The following OR2M4 variants were observed in gnomAD, a reference collection of about 807,000 sequenced individuals.
OR2M4 encodes the protein olfactory receptor 2M4.
In OR2M4, 8 loss-of-function variants were observed where a neutral mutation model predicts 13.7. The observed-to-expected ratio is 0.58, with a 90% CI of 0.34 to 1.05. The LOEUF (loss-of-function observed/expected upper bound fraction) is 1.05, where lower values mean the gene tolerates loss of function less well. Among genes scored for constraint, OR2M4 ranks in the 50% least tolerant of loss-of-function variants. The probability of loss-of-function intolerance (pLI) is 0.02; values close to 1 mark genes in which losing one functional copy is unlikely to be tolerated. For synonymous variants in OR2M4, 152 were observed against 141.3 expected (o/e 1.08, Z -0.53); for missense variants, 374 against 381.6 (o/e 0.98, Z 0.17).
At chr1:248,232,314 G>T (rs1369017302) in intron 1 of OR2M4, among the ~76,000 whole-genome samples, 1 of 152,058 alleles carries the variant, frequency 6.6e-6, no homozygotes, top group Non-Finnish European at 1.5e-5. Flanking sequence ...CTTCAGGTTG[G>T]TAAAAATCAC....
Position 248,240,215 on chromosome 1 carries a change from T to C in OR2M4, c.*351T>C, listed in dbSNP as rs1666605241. The C allele has an allele frequency of 6.1e-6, 1 of 163,212 alleles. No homozygotes were observed. Among genetic ancestry groups the C allele is most frequent in the African/African-American group, 2.4e-5 (1 of 41,868 alleles). The allele number at this position is 163,212 out of a possible 1,614,324, so 10.1% of individuals were successfully genotyped here. On this transcript the variant is annotated 3_prime_UTR_variant, in exon 2 of 2. Coordinates refer to ENST00000641868, the MANE Select transcript of OR2M4 (RefSeq NM_017504.2). ...AGTTGATCCTCTGTTTTTGGAGAGA[T>C]GCTTCTTTGTTCACAAATTACTTAC...
rs1276277939 is a variant in OR2M4, at chr1:248,240,930, AT to A, written c.*1069del. The A allele has an allele frequency of 6.6e-6, 1 of 152,276 alleles. No homozygotes were observed. The highest frequency in any genetic ancestry group is 1.5e-5 in the Non-Finnish European group (1 of 68,096). The allele number at this position is 152,276 out of a possible 1,614,324, so 9.4% of individuals were successfully genotyped here. A position where few individuals can be genotyped will look rare whatever the true frequency, so the allele number is the denominator to read the frequency against. ...GCTGATGCCTGGCCACAGACAGAGC[AT>A]TTAAACCAGCCCTTGTCAGAGGGGA... On this transcript the variant is annotated 3_prime_UTR_variant, in exon 2 of 2. Transcript: ENST00000641868.
rs1042395369 is a variant in OR2M4 at position 248,242,123 on chromosome 1, A to G, written c.*2259A>G. ...TGGGTACAGTTGCTCAATTTATTCA[A>G]TTTATACTTGTATATGCTGATTCTT... On this transcript the variant is annotated 3_prime_UTR_variant, in exon 2 of 2. Coordinates refer to ENST00000641868, the MANE Select transcript of OR2M4 (RefSeq NM_017504.2). 9 of 152,132 alleles carry G rather than the reference A, an allele frequency of 5.9e-5. No individual in the cohort carries two copies. Among genetic ancestry groups the G allele is most frequent in the African/African-American group, 2.2e-4 (9 of 41,410 alleles). The allele number at this position is 152,132 out of a possible 1,614,324, so 9.4% of individuals were successfully genotyped here.
rs1461733753 is a variant in OR2M4 at position 248,244,605 on chromosome 1, G to A, written c.*4741G>A. 6.6e-6 allele frequency: 1 copy of A among 152,002 alleles called. No individual in the cohort carries two copies. The highest frequency in any genetic ancestry group is 1.5e-5 in the Non-Finnish European group (1 of 68,004). The allele number at this position is 152,002 out of a possible 1,614,324, so 9.4% of individuals were successfully genotyped here. On this transcript the variant is annotated 3_prime_UTR_variant, in exon 2 of 2. Coordinates refer to ENST00000641868, the MANE Select transcript of OR2M4 (RefSeq NM_017504.2). Reference sequence around the variant, plus strand: ...TATGGGATACTATGCTCACAACCTGGGTGATGGGATCTATACCCTAAACCT... The same window carrying A: ...TATGGGATACTATGCTCACAACCTGAGTGATGGGATCTATACCCTAAACCT...
rs372772404 is a variant in OR2M4 at position 248,239,006 on chromosome 1, C to T, written c.78C>T (p.Phe26=). The part of the protein sequence containing the change: ...GIFNHSPTHT[F]LFSLVLGIFS... ...TCAATCACAGTCCCACCCACACCTT[C>T]CTTTTTTCTCTGGTCCTGGGCATCT... is the stretch of plus-strand genomic sequence containing the variant. The change falls in exon 2 of 2, where the codon TTC becomes TTT. Residue 26 remains phenylalanine, a synonymous_variant. Transcript: ENST00000641868. 102 of 1,613,924 alleles carry T rather than the reference C, an allele frequency of 6.3e-5. No individual in the cohort carries two copies. The highest frequency in any genetic ancestry group is 8.5e-5 in the Non-Finnish European group (100 of 1,179,978).
chr1:248,239,229 A>T lies in OR2M4; in HGVS notation c.301A>T (p.Ile101Leu). ...CTCTCTGGCAGGTTGTGGAACTCAGATATTCTTCTATGTGTCCCTGCTTGG... is the reference window on the plus strand; with the variant it reads ...CTCTCTGGCAGGTTGTGGAACTCAGTTATTCTTCTATGTGTCCCTGCTTGG... ...SISLAGCGTQ[I>L]FFYVSLLGAE... is the part of the protein sequence containing the mutation. Residue 101 changes from isoleucine to leucine, a missense_variant, in exon 2 of 2, where the codon ATA (isoleucine) becomes TTA (leucine). Transcript: ENST00000641868. 1 of 1,613,956 alleles carries T rather than the reference A, an allele frequency of 6.2e-7. No individual in the cohort carries two copies. The highest frequency in any genetic ancestry group is 8.5e-7 in the Non-Finnish European group (1 of 1,180,000).
Position 248,240,584 on chromosome 1 carries a change from G to A in OR2M4, c.*720G>A, listed in dbSNP as rs1056645818. ...TCAGAATCTGAAGGCAGAGCAAGAT[G>A]ATGGAATAGAAGGCTCCACTGATCG... On this transcript the variant is annotated 3_prime_UTR_variant, in exon 2 of 2. Coordinates refer to ENST00000641868, the MANE Select transcript of OR2M4 (RefSeq NM_017504.2). 2.6e-5 allele frequency: 4 copies of A among 152,176 alleles called. No homozygotes were observed. The highest frequency in any genetic ancestry group is 9.7e-5 in the African/African-American group (4 of 41,428). 9.4% of individuals were successfully genotyped at this position (152,176 alleles called of 1,614,324 possible). A position where few individuals can be genotyped will look rare whatever the true frequency, so the allele number is the denominator to read the frequency against.
chr1:248,239,723 A>T lies in OR2M4; in HGVS notation c.795A>T (p.Lys265Asn). 1.1e-5 allele frequency: 18 copies of T among 1,614,054 alleles called. No individual in the cohort carries two copies. Among genetic ancestry groups the T allele is most frequent in the Non-Finnish European group, 1.5e-5 (18 of 1,180,018 alleles). The change falls in exon 2 of 2, where the codon AAA (lysine) becomes AAT (asparagine). Residue 265 changes from lysine to asparagine, a missense_variant. Coordinates refer to ENST00000641868, the MANE Select transcript of OR2M4 (RefSeq NM_017504.2). ...TCATGTACATGAGACCAGCTTCTAA[A>T]CATACGCCAGACCAGGACAAGATGG... Reference protein sequence around the residue: ...AMFMYMRPASKHTPDQDKMVS... With the variant: ...AMFMYMRPASNHTPDQDKMVS...
intron 1 of OR2M4, among the ~76,000 whole-genome samples, chr1:248,238,528 A>G (rs1167471813): frequency 6.6e-6 from 1 of 152,184 alleles, no homozygotes; most frequent in Non-Finnish European, 1.5e-5. Flanking sequence ...ATTAGGACAG[A>G]AGGAGAAAAA....
chr1:248,237,935 A>G (rs757703009), intron 1 of OR2M4, among the ~76,000 whole-genome samples: 25 of 152,174 alleles, frequency 1.6e-4, no homozygotes, highest in Non-Finnish European at 3.2e-4. Flanking sequence ...TTGTCCCTAG[A>G]TGTTTATCCG....
At position 248,239,829 on chromosome 1, in the gene OR2M4, C is replaced by G; in HGVS notation, c.901C>G (p.Leu301Val). The part of the protein sequence containing the change: ...SLRNKEVFRA[L>V]QKVLKKRKLI Reference sequence around the variant, plus strand: ...CCGCAACAAAGAAGTGTTCAGGGCACTACAGAAGGTACTGAAGAAAAGAAA... The same window carrying G: ...CCGCAACAAAGAAGTGTTCAGGGCAGTACAGAAGGTACTGAAGAAAAGAAA... Residue 301 changes from leucine to valine, a missense_variant, in exon 2 of 2, where the codon CTA becomes GTA. Leu to Val is a conservative substitution (Grantham distance 32). Transcript: ENST00000641868. 1 of 1,609,914 alleles carries G rather than the reference C, an allele frequency of 6.2e-7. No homozygotes were observed. Among genetic ancestry groups the G allele is most frequent in the Non-Finnish European group, 8.5e-7 (1 of 1,178,492 alleles).
chr1:248,238,932 G>A lies in OR2M4; in HGVS notation c.4G>A (p.Val2Met). 1 of 1,587,800 alleles carries A rather than the reference G, an allele frequency of 6.3e-7. No homozygotes were observed. The highest frequency in any genetic ancestry group is 8.6e-7 in the Non-Finnish European group (1 of 1,168,676). ...CAGATAAGGCAAATTATCCAGGATG[G>A]TGTGGGAAAACCAGACCTTCAACTC... The part of the protein sequence containing the change: M[V>M]WENQTFNSIF... The change falls in exon 2 of 2, where the codon GTG (valine) becomes ATG (methionine). Residue 2 changes from valine (V) to methionine (M), a missense_variant. Physicochemically the swap from Val to Met is conservative, Grantham distance 21. Coordinates refer to ENST00000641868, the MANE Select transcript of OR2M4 (RefSeq NM_017504.2).
rs779563547 is a variant in OR2M4, at chr1:248,239,540, G to A, written c.612G>A (p.Val204=). ...AFERLLVICC[V]VMLIFPVSVI... is the part of the protein sequence containing the mutation. ...AAAGACTACTTGTCATTTGTTGTGT[G>A]GTAATGCTAATCTTTCCAGTTTCAG... The change falls in exon 2 of 2, where the codon GTG becomes GTA. Residue 204 remains valine (V), a synonymous_variant. Transcript: ENST00000641868. 5.6e-6 allele frequency: 9 copies of A among 1,613,918 alleles called. No homozygotes were observed. Among genetic ancestry groups the A allele is most frequent in the Non-Finnish European group, 7.6e-6 (9 of 1,180,004 alleles).
intron 1 of OR2M4, among the ~76,000 whole-genome samples, chr1:248,232,594 T>G (rs1666515522): frequency 6.6e-6 from 1 of 152,158 alleles, no homozygotes; most frequent in Non-Finnish European, 1.5e-5. Context: ...GTGCCTTCTA[T>G]CATTTTCCTC....
In OR2M4 at chr1:248,239,521, T is replaced by C. The variant is rs1307325481; in HGVS notation, c.593T>C (p.Leu198Pro). The C allele has an allele frequency of 6.2e-7, 1 of 1,614,162 alleles. No homozygotes were observed. The highest frequency in any genetic ancestry group is 1.7e-5 in the Admixed American group (1 of 60,022). Residue 198 changes from leucine to proline, a missense_variant, in exon 2 of 2, where the codon CTA becomes CCA. Transcript: ENST00000641868. ...ACAGAAACATCTGCATTTGAAAGAC[T>C]ACTTGTCATTTGTTGTGTGGTAATG... ...SCTETSAFER[L>P]LVICCVVMLI...
Position 248,244,290 on chromosome 1 carries a change from C to A in OR2M4, c.*4426C>A, listed in dbSNP as rs943715437. The A allele has an allele frequency of 1.3e-5, 2 of 152,114 alleles. No homozygotes were observed. Among genetic ancestry groups the A allele is most frequent in the African/African-American group, 4.8e-5 (2 of 41,414 alleles). The allele number at this position is 152,114 out of a possible 1,614,324, so 9.4% of individuals were successfully genotyped here. On this transcript the variant is annotated 3_prime_UTR_variant, in exon 2 of 2. Coordinates refer to ENST00000641868, the MANE Select transcript of OR2M4 (RefSeq NM_017504.2). ...TTCCCAATAGCAAGGAATCAACCTA[C>A]ATGCCCATCAATGGTGGATTGGATA...
Position 248,240,666 on chromosome 1 carries a change from A to G in OR2M4, c.*802A>G, listed in dbSNP as rs892136198. ...TCCATACACGAACAACACATTCATG[A>G]GAGCCAAAAATCAGGTGAGCCTTCG... On this transcript the variant is annotated 3_prime_UTR_variant, in exon 2 of 2. Coordinates refer to ENST00000641868, the MANE Select transcript of OR2M4 (RefSeq NM_017504.2). 14 of 152,204 alleles carry G rather than the reference A, an allele frequency of 9.2e-5. No homozygotes were observed. Among genetic ancestry groups the G allele is most frequent in the Non-Finnish European group, 1.5e-5 (1 of 68,044 alleles). 9.4% of individuals were successfully genotyped at this position (152,204 alleles called of 1,614,324 possible). A position where few individuals can be genotyped will look rare whatever the true frequency, so the allele number is the denominator to read the frequency against.
At position 248,239,293 on chromosome 1, in the gene OR2M4, G is replaced by A. The variant is rs753436806; in HGVS notation, c.365G>A (p.Arg122His). 40 of 1,613,858 alleles carry A rather than the reference G, an allele frequency of 2.5e-5. No individual in the cohort carries two copies. The highest frequency in any genetic ancestry group is 4.0e-5 in the African/African-American group (3 of 74,836). The change falls in exon 2 of 2, where the codon CGC (arginine) becomes CAC (histidine). Residue 122 changes from arginine (R) to histidine (H), a missense_variant. By Grantham distance (29) the Arg-to-His change is conservative (BLOSUM62 0). Transcript: ENST00000641868. ...TTGTTGGCTGTCATGGCTTATGACC[G>A]CTATGTGGCTATATGTCACCCTCTT... The part of the protein sequence containing the change: ...CFLLAVMAYD[R>H]YVAICHPLQY...
intron 1 of OR2M4, among the ~76,000 whole-genome samples, chr1:248,233,189 T>C (rs1171889973): frequency 6.6e-6 from 1 of 152,118 alleles, no homozygotes; most frequent in Non-Finnish European, 1.5e-5. Flanking sequence ...AGTACCAAGA[T>C]ATAAACAGAA....
Sources: allele counts gnomAD v4.1 joint callset (sites outside exome capture counted in the v4.1 genomes callset), GRCh38; gene constraint gnomAD v4.1.1; transcripts MANE v1.5; gene names NCBI Gene and HGNC (gene_info 2026-07-23, HGNC 2026-07-21).